GULP1: variants seen among roughly 807,000 people sequenced by gnomAD.
GULP1 encodes the protein PTB domain-containing engulfment adapter protein 1.
Under a neutral mutation model 40.9 loss-of-function variants are expected in GULP1, and 19 were observed. The observed-to-expected ratio is 0.46, with a 90% CI of 0.32 to 0.68. The LOEUF (loss-of-function observed/expected upper bound fraction) is 0.68, where lower values mean the gene tolerates loss of function less well. GULP1 is among the 30% of genes least tolerant of loss of function. The pLI, the probability that GULP1 is intolerant of heterozygous loss-of-function variation, is 0.03. For synonymous variants in GULP1, 119 were observed against 117.6 expected, an observed-to-expected ratio of 1.01 and a Z score of -0.08; for missense variants, 312 against 362.2, an observed-to-expected ratio of 0.86 and a Z score of 1.12.
At chr2:188,556,372 C>T (rs1287617468) in intron 7 of GULP1, among the ~76,000 whole-genome samples, 2 of 152,082 alleles carry the variant, frequency 1.3e-5, no homozygotes, top group Admixed American at 6.5e-5. Flanking sequence ...TCCTTAAGTT[C>T]TAGAATTTCT....
chr2:188,561,708 C>G (rs1253454921), intron 7 of GULP1, among the ~76,000 whole-genome samples: 1 of 152,296 alleles, frequency 6.6e-6, no homozygotes, highest in East Asian at 1.9e-4. Context: ...GCAGTAGTAG[C>G]CACGCTGAGG....
intron 4 of GULP1, among the ~76,000 whole-genome samples, chr2:188,519,697 T>G (rs746164644): frequency 6.6e-6 from 1 of 152,230 alleles, no homozygotes; most frequent in African/African-American, 2.4e-5. Context: ...TGGTGGCACA[T>G]TAATATCGCT....
chr2:188,592,329 C>G (rs1435366747), intron 11 of GULP1: 2 of 151,650 alleles, frequency 1.3e-5, no homozygotes, highest in Non-Finnish European at 2.9e-5. Context: ...TGTAATATAC[C>G]AGAAGATGAC....
chr2:188,313,347 GTTGCACCAT>G lies in GULP1; in HGVS notation c.-172+21184_-172+21192del, dbSNP rs1200903246. Among the ~76,000 whole-genome samples the G allele has an allele frequency of 5.9e-5, 9 of 151,888 alleles. 1 individual carries two copies. The South Asian group carries it at 1.9e-3, about 32-fold the overall frequency. On this transcript the variant is annotated intron_variant, in intron 1 of 11. Coordinates refer to ENST00000409830, the MANE Select transcript of GULP1 (RefSeq NM_016315.4). ...TCAATTTTCTGCATATGGCTAGCCA[GTTGCACCAT>G]TTACTGAATAGGAGATCCCTTACCC...
At chr2:188,545,527 T>C (rs1691692883) in intron 7 of GULP1, among the ~76,000 whole-genome samples, 1 of 151,846 alleles carries the variant, frequency 6.6e-6, no homozygotes, top group South Asian at 2.1e-4. Context: ...TGGGTAACTA[T>C]GATAAGTTAT....
At chr2:188,517,430 T>A (rs978101316) in intron 4 of GULP1, among the ~76,000 whole-genome samples, 13 of 152,248 alleles carry the variant, frequency 8.5e-5, no homozygotes, top group Admixed American at 2.0e-4. Context: ...ATGCAATATA[T>A]CTATATTGAC....
chr2:188,520,754 G>T (rs2065675312), intron 4 of GULP1, among the ~76,000 whole-genome samples: 1 of 152,064 alleles, frequency 6.6e-6, no homozygotes, highest in African/African-American at 2.4e-5. Context: ...TTGGTACAAG[G>T]AGTCACTTGC....
chr2:188,547,133 T>C (rs1407977244), intron 7 of GULP1, among the ~76,000 whole-genome samples: 1 of 151,810 alleles, frequency 6.6e-6, no homozygotes, highest in African/African-American at 2.4e-5. Context: ...CAGGAATTAA[T>C]GCTATTCTAT....
At chr2:188,460,278 C>T (rs1254035225) in intron 2 of GULP1, among the ~76,000 whole-genome samples, 1 of 152,130 alleles carries the variant, frequency 6.6e-6, no homozygotes, top group South Asian at 2.1e-4. Context: ...AACCCACGAA[C>T]ATGGAATATC....
chr2:188,571,870 G>A (rs1699125232), intron 9 of GULP1, among the ~76,000 whole-genome samples: 1 of 152,180 alleles, frequency 6.6e-6, no homozygotes, highest in African/African-American at 2.4e-5. Context: ...GAGTAGCTTT[G>A]CTTTCATTTT....
chr2:188,375,781 G>A (rs1277935364), intron 1 of GULP1, among the ~76,000 whole-genome samples: 3 of 152,130 alleles, frequency 2.0e-5, no homozygotes, highest in African/African-American at 7.2e-5. Flanking sequence ...AAGGAAGGCA[G>A]GGGCTTAAAA....
At chr2:188,425,002 C>T (rs902532655) in intron 2 of GULP1, among the ~76,000 whole-genome samples, 1 of 151,870 alleles carries the variant, frequency 6.6e-6, no homozygotes, top group Non-Finnish European at 1.5e-5. Flanking sequence ...TTATATTTGG[C>T]TTGTTTCTTT....
chr2:188,348,071 C>T (rs985502783), intron 1 of GULP1, among the ~76,000 whole-genome samples: 10 of 152,112 alleles, frequency 6.6e-5, no homozygotes, highest in African/African-American at 1.4e-4. Context: ...AAATTCAGTG[C>T]GGAAGTAACT....
At chr2:188,397,636 T>A (rs919310813) in intron 2 of GULP1, among the ~76,000 whole-genome samples, 5 of 152,230 alleles carry the variant, frequency 3.3e-5, no homozygotes, top group African/African-American at 1.2e-4. Context: ...TTATGAATTA[T>A]CTCACAGTTC....
At chr2:188,373,303 A>G (rs1208519243) in intron 1 of GULP1, among the ~76,000 whole-genome samples, 2 of 151,944 alleles carry the variant, frequency 1.3e-5, no homozygotes, top group Non-Finnish European at 2.9e-5. Flanking sequence ...GGGAGCAATG[A>G]AGAAAAATGA....
intron 9 of GULP1, among the ~76,000 whole-genome samples, chr2:188,576,182 T>G (rs145520352): frequency 6.6e-6 from 1 of 152,098 alleles, no homozygotes; most frequent in Non-Finnish European, 1.5e-5. Flanking sequence ...GAGATGCTTA[T>G]TCGATGGCTG....
chr2:188,515,722 C>T (rs554529914), intron 4 of GULP1, among the ~76,000 whole-genome samples: 11 of 152,048 alleles, frequency 7.2e-5, no homozygotes, highest in South Asian at 6.2e-4. Flanking sequence ...CACACACACA[C>T]ACACACACAC....
intron 2 of GULP1, among the ~76,000 whole-genome samples, chr2:188,395,877 C>T (rs376834813): frequency 6.6e-6 from 1 of 152,122 alleles, no homozygotes; most frequent in African/African-American, 2.4e-5. Context: ...AGGGGGGTAA[C>T]ATAGCCTCTG....
rs573752330 is a variant in GULP1 at position 188,383,890 on chromosome 2, G to C, written c.-45+1G>C. ...TTCAACTATATTTGAGCATACCCAG[G>C]TAAGAATAAATGATTGTTTATACAT... is the stretch of plus-strand genomic sequence containing the variant. On this transcript the variant is annotated splice_donor_variant, in intron 2 of 11. Transcript: ENST00000409830. LOFTEE classifies it low-confidence loss of function (5UTR_SPLICE). The C allele has an allele frequency of 8.5e-5, 13 of 152,050 alleles. No homozygotes were observed. The East Asian group carries it at 1.9e-3, about 23-fold the overall frequency. The allele number at this position is 152,050 out of a possible 1,614,324, so 9.4% of individuals were successfully genotyped here. A position where few individuals can be genotyped will look rare whatever the true frequency, so the allele number is the denominator to read the frequency against.
Sources: allele counts gnomAD v4.1 joint callset (sites outside exome capture counted in the v4.1 genomes callset), GRCh38; gene constraint gnomAD v4.1.1; transcripts MANE v1.5; gene names NCBI Gene and HGNC (gene_info 2026-07-23, HGNC 2026-07-21).